ZNF506: variants seen among roughly 807,000 people sequenced by gnomAD.
The protein encoded by ZNF506 is zinc finger protein 506.
Under a neutral mutation model 11.6 loss-of-function variants are expected in ZNF506, and 10 were observed. The ratio of observed to expected loss-of-function variants is 0.86; its 90% CI spans 0.53 to 1.46. The LOEUF (loss-of-function observed/expected upper bound fraction) is 1.46. Among genes scored for constraint, ZNF506 ranks in the 40% most tolerant of loss-of-function variants. ZNF506 has a pLI of 0.00. For missense variants in ZNF506, 425 were observed against 521.2 expected, an observed-to-expected ratio of 0.82 and a Z score of 1.80; for synonymous variants, 156 against 173.3, an observed-to-expected ratio of 0.90 and a Z score of 0.78.
At chr19:19,821,478 C>A (rs2062966576) in intron 1 of ZNF506, 123 bp downstream of exon 1, 4 of 1,292,708 alleles carry the variant, frequency 3.1e-6, no homozygotes, top group Non-Finnish European at 4.5e-6. Context: ...GAACTTGGAG[C>A]GCAGATTGTG....
rs74254028 is a variant in ZNF506 at position 19,808,416 on chromosome 19, C to T, written c.4-1348G>A. The stretch of plus-strand genomic sequence containing the variant: ...GGGATTACAGGCGTGAGCCACTCTG[C>T]CCAGCCAATCATTAACCATTAACTG... On this transcript the variant is annotated intron_variant, in intron 1 of 3. Transcript: ENST00000540806. Among the ~76,000 whole-genome samples, 313 of 151,406 alleles carry T rather than the reference C, an allele frequency of 2.1e-3. 14 individuals carry two copies. In the East Asian group the frequency reaches 0.058, roughly 28 times the overall value.
At position 19,795,368 on chromosome 19, in the gene ZNF506, A is replaced by G. The variant is rs1404069092; in HGVS notation, c.519T>C (p.Phe173=). The part of the protein sequence containing the change: ...HKIRDTGKKS[F]KCIEYGKTFN... ...AAGTTTTCCCATATTCTATACATTTAAAAGATTTTTTTCCAGTATCTCTTA... is the reference window on the plus strand; with the variant it reads ...AAGTTTTCCCATATTCTATACATTTGAAAGATTTTTTTCCAGTATCTCTTA... Residue 173 remains phenylalanine (F), a synonymous_variant, in exon 4 of 4, where the codon TTT becomes TTC. Transcript: ENST00000540806. The G allele has an allele frequency of 1.2e-6, 2 of 1,608,476 alleles. No individual in the cohort carries two copies. The highest frequency in any genetic ancestry group is 1.7e-6 in the Non-Finnish European group (2 of 1,177,278).
chr19:19,797,207 G>T (rs1408832849), intron 3 of ZNF506: 1 of 152,182 alleles, frequency 6.6e-6, no homozygotes, highest in Non-Finnish European at 1.5e-5. Context: ...CACACTGGGA[G>T]GCCAAGGTGG....
At chr19:19,811,411 A>G (rs1353795541) in intron 1 of ZNF506, among the ~76,000 whole-genome samples, 2 of 151,748 alleles carry the variant, frequency 1.3e-5, no homozygotes, top group Non-Finnish European at 2.9e-5. Flanking sequence ...GCCTGCCTTG[A>G]CCTCTCAAGT....
chr19:19,794,835 G>C lies in ZNF506; in HGVS notation c.1052C>G (p.Thr351Ser), dbSNP rs1328270929. Residue 351 changes from threonine (T) to serine (S), a missense_variant, in exon 4 of 4, where the codon ACC becomes AGC. Transcript: ENST00000540806. ...ATGTTTAGAGAGGCTTGAGTACCAG[G>C]TAAAGGTTTTGCCACATTCGTCACA... ...YKCDECGKTF[T>S]WYSSLSKHKR... The C allele has an allele frequency of 1.2e-6, 2 of 1,611,558 alleles. No homozygotes were observed. The highest frequency in any genetic ancestry group is 1.7e-5 in the Admixed American group (1 of 59,774).
chr19:19,821,020 C>G (rs1181458747), intron 1 of ZNF506, among the ~76,000 whole-genome samples: 1 of 152,126 alleles, frequency 6.6e-6, no homozygotes, highest in Non-Finnish European at 1.5e-5. Flanking sequence ...CCACCTCTGC[C>G]TCCCCAGTAG....
Position 19,821,628 on chromosome 19 carries a change from C to G in ZNF506, c.-25G>C, listed in dbSNP as rs1345046583. On this transcript the variant is annotated 5_prime_UTR_variant, in exon 1 of 4. Transcript: ENST00000540806. ...TTTCTAGGCTTCCAGGGGGTCCCGG[C>G]GTCCTAGCTGTGACCCTCCTAATAC... 1.9e-6 allele frequency: 3 copies of G among 1,613,838 alleles called. No individual in the cohort carries two copies. In the South Asian group the frequency reaches 3.3e-5, roughly 18 times the overall value.
intron 1 of ZNF506, among the ~76,000 whole-genome samples, chr19:19,815,227 T>G (rs2062920433): frequency 6.6e-6 from 1 of 152,154 alleles, no homozygotes; most frequent in Non-Finnish European, 1.5e-5. Context: ...GCCACTGCAC[T>G]CCAGCCTGGG....
chr19:19,803,127 C>T (rs1174971559), intron 3 of ZNF506, among the ~76,000 whole-genome samples: 2 of 152,210 alleles, frequency 1.3e-5, no homozygotes, highest in East Asian at 3.8e-4. Context: ...CTACAAGACC[C>T]CTGGTTCTTG....
In ZNF506 at chr19:19,808,733, C is replaced by T. The variant is rs185105556; in HGVS notation, c.4-1665G>A. On this transcript the variant is annotated intron_variant, in intron 1 of 3. Transcript: ENST00000540806. ...TGGCGGGCACCTGTAATCCCAGCTA[C>T]TTGGGAGGCTAAGGCAGGAGAATTG... Among the ~76,000 whole-genome samples the T allele has an allele frequency of 4.2e-3, 627 of 148,254 alleles. 5 individuals are homozygous for T. The highest frequency in any genetic ancestry group is 0.015 in the African/African-American group (613 of 40,052).
chr19:19,809,103 T>C (rs2062864156), intron 1 of ZNF506, among the ~76,000 whole-genome samples: 1 of 152,216 alleles, frequency 6.6e-6, no homozygotes, highest in Non-Finnish European at 1.5e-5. Flanking sequence ...TCTCCATCTT[T>C]ACTAAGGACC....
Position 19,817,434 on chromosome 19 carries a change from A to C in ZNF506, c.3+4167T>G, listed in dbSNP as rs1273013194. 2.8e-4 allele frequency among the ~76,000 whole-genome samples: 13 copies of C among 46,276 alleles called. No individual in the cohort carries two copies. In the South Asian group the frequency reaches 7.5e-3, roughly 27 times the overall value. 30.4% of individuals were successfully genotyped at this position (46,276 alleles called of 152,430 possible). A position where few individuals can be genotyped will look rare whatever the true frequency, so the allele number is the denominator to read the frequency against. ...TTAGAATTTTTTTTACGTAAATCTG[A>C]TTTTTTTTTTTTTTACAAAGTCTAG... is the stretch of plus-strand genomic sequence containing the variant. On this transcript the variant is annotated intron_variant, in intron 1 of 3. Coordinates refer to ENST00000540806, the MANE Select transcript of ZNF506 (RefSeq NM_001099269.3).
At chr19:19,819,117 C>T (rs1217658445) in intron 1 of ZNF506, among the ~76,000 whole-genome samples, 7 of 152,124 alleles carry the variant, frequency 4.6e-5, no homozygotes, top group African/African-American at 9.7e-5. Context: ...CAGGAGACAC[C>T]GCGCCATGCC....
chr19:19,794,738 A>T lies in ZNF506; in HGVS notation c.1149T>A (p.Thr383=), dbSNP rs1403636602. 7.4e-6 allele frequency: 12 copies of T among 1,612,206 alleles called. No homozygotes were observed. The highest frequency in any genetic ancestry group is 9.3e-6 in the Non-Finnish European group (11 of 1,179,478). Residue 383 remains threonine, a synonymous_variant, in exon 4 of 4, where the codon ACT becomes ACA. Transcript: ENST00000540806. ...ECGKAFTAFS[T]LTEHKIIHTG... is the part of the protein sequence containing the mutation. Reference sequence around the variant, plus strand: ...TATGAATTATCTTATGTTCAGTTAGAGTTGAGAATGCAGTAAAGGCTTTGC... The same window carrying T: ...TATGAATTATCTTATGTTCAGTTAGTGTTGAGAATGCAGTAAAGGCTTTGC...
intron 3 of ZNF506, among the ~76,000 whole-genome samples, chr19:19,802,488 A>AAT (rs1014669219): frequency 6.6e-6 from 1 of 152,176 alleles, no homozygotes; most frequent in Non-Finnish European, 1.5e-5. Flanking sequence ...TTAAATAAAA[A>AAT]ATATATATAT....
chr19:19,807,895 G>A (rs2062847959), intron 1 of ZNF506, among the ~76,000 whole-genome samples: 1 of 152,042 alleles, frequency 6.6e-6, no homozygotes, highest in African/African-American at 2.4e-5. Flanking sequence ...GTAAGTGGAA[G>A]AGCCTGTGTT....
At chr19:19,800,423 T>TATATATATATATATTTATA (rs1568474341) in intron 3 of ZNF506, among the ~76,000 whole-genome samples, 2 of 147,428 alleles carry the variant, frequency 1.4e-5, no homozygotes, top group East Asian at 2.0e-4. Context: ...TTTATATATA[T>TATATATATATATATTTATA]TATTTTTTTT....
chr19:19,795,271 A>C lies in ZNF506; in HGVS notation c.616T>G (p.Cys206Gly). ...GAGGACTGCTTATAGGCTTTACCAC[A>C]TTCTTCACATTTATAGCGTTTCTCT... Reference protein sequence around the residue: ...AGEKRYKCEECGKAYKQSSHL... With the variant: ...AGEKRYKCEEGGKAYKQSSHL... The change falls in exon 4 of 4, where the codon TGT becomes GGT. Residue 206 changes from cysteine to glycine, a missense_variant. By Grantham distance (159) the Cys-to-Gly change is radical. This residue lies in a region of ZNF506 where 226 missense variants were observed against 279.1 expected (regional missense o/e 0.81). Transcript: ENST00000540806. 1 of 1,614,032 alleles carries C rather than the reference A, an allele frequency of 6.2e-7. No homozygotes were observed. The highest frequency in any genetic ancestry group is 1.1e-5 in the South Asian group (1 of 91,064).
chr19:19,796,967 A>T (rs1404688077), intron 3 of ZNF506: 1 of 152,216 alleles, frequency 6.6e-6, no homozygotes, highest in Non-Finnish European at 1.5e-5. Flanking sequence ...ATCCAAGACG[A>T]TTGATTTTCA....
Sources: allele counts gnomAD v4.1 joint callset (sites outside exome capture counted in the v4.1 genomes callset), GRCh38; gene constraint gnomAD v4.1.1; regional missense constraint gnomAD v4.1.1; transcripts MANE v1.5; gene names NCBI Gene and HGNC (gene_info 2026-07-23, HGNC 2026-07-21).